The following VRK1 variants were observed in gnomAD, a reference collection of about 807,000 sequenced individuals.
VRK1 encodes serine/threonine-protein kinase VRK1.
VRK1 carries 33 observed loss-of-function variants against 57.1 expected under a neutral mutation model. That is an observed-to-expected ratio of 0.58 (90% CI 0.44 to 0.77). The LOEUF (loss-of-function observed/expected upper bound fraction) is 0.77, where lower values mean the gene tolerates loss of function less well. Among genes scored for constraint, VRK1 ranks in the 30% least tolerant of loss-of-function variants. The probability of loss-of-function intolerance (pLI) is 0.00; values close to 1 mark genes in which losing one functional copy is unlikely to be tolerated. For synonymous variants in VRK1, 137 were observed against 147.8 expected, an observed-to-expected ratio of 0.93 and a Z score of 0.53; for missense variants, 413 against 477.3, an observed-to-expected ratio of 0.87 and a Z score of 1.25.
At chr14:96,825,763 A>G (rs1033333223) in intron 1 of VRK1, among the ~76,000 whole-genome samples, 8 of 152,330 alleles carry the variant, frequency 5.3e-5, no homozygotes, top group African/African-American at 1.9e-4. Flanking sequence ...GGTGGAGTCC[A>G]GTTTGTCCAG....
chr14:96,806,547 G>A lies in VRK1; in HGVS notation c.-6+9100G>A, dbSNP rs955369287. Among the ~76,000 whole-genome samples, 3 of 152,290 alleles carry A rather than the reference G, an allele frequency of 2.0e-5. No individual in the cohort carries two copies. In the South Asian group the frequency reaches 6.2e-4, roughly 32 times the overall value. Reference sequence around the variant, plus strand: ...GTGACATATAAAATTGGGTCAGGTAGATCTAGTTCAAATATTGACTGCTGT... The same window carrying A: ...GTGACATATAAAATTGGGTCAGGTAAATCTAGTTCAAATATTGACTGCTGT... On this transcript the variant is annotated intron_variant, in intron 1 of 12. Coordinates refer to ENST00000216639, the MANE Select transcript of VRK1 (RefSeq NM_003384.3).
chr14:96,865,116 CT>C (rs1307911313), intron 11 of VRK1, among the ~76,000 whole-genome samples: 1 of 151,938 alleles, frequency 6.6e-6, no homozygotes, highest in Non-Finnish European at 1.5e-5. Flanking sequence ...ATGGTTAGTG[CT>C]TTTTATATTC....
At chr14:96,856,326 A>G in intron 9 of VRK1, 76 bp downstream of exon 9, 2 of 1,552,426 alleles carry the variant, frequency 1.3e-6, no homozygotes, top group Non-Finnish European at 1.8e-6. Flanking sequence ...CTTGATAGGA[A>G]CTATAGTTTC....
chr14:96,806,326 C>G (rs1354792997), intron 1 of VRK1, among the ~76,000 whole-genome samples: 1 of 152,222 alleles, frequency 6.6e-6, no homozygotes, highest in Non-Finnish European at 1.5e-5. Context: ...CAATTGGGGA[C>G]AATCAGGATA....
At chr14:96,799,206 A>G (rs1444860396) in intron 1 of VRK1, among the ~76,000 whole-genome samples, 1 of 152,222 alleles carries the variant, frequency 6.6e-6, no homozygotes, top group Non-Finnish European at 1.5e-5. Flanking sequence ...GGAAATGGTT[A>G]TATGGAAAGC....
chr14:96,875,449 C>T (rs1888988265), intron 11 of VRK1, among the ~76,000 whole-genome samples: 1 of 152,124 alleles, frequency 6.6e-6, no homozygotes, highest in African/African-American at 2.4e-5. Flanking sequence ...AGGTTTATGG[C>T]CCTCTTAAAC....
In VRK1 at chr14:96,856,198, C is replaced by T. The variant is rs1207723790; in HGVS notation, c.778C>T (p.Pro260Ser). The T allele has an allele frequency of 1.2e-6, 2 of 1,613,578 alleles. No individual in the cohort carries two copies. Among genetic ancestry groups the T allele is most frequent in the Non-Finnish European group, 8.5e-7 (1 of 1,179,782 alleles). The change falls in exon 9 of 13, where the codon CCT becomes TCT. Residue 260 changes from proline (P) to serine (S), a missense_variant. Physicochemically the swap from Pro to Ser is moderately conservative, Grantham distance 74. Coordinates refer to ENST00000216639, the MANE Select transcript of VRK1 (RefSeq NM_003384.3). ...CMIQWLTGHL[P>S]WEDNLKDPKY... ...GATCCAATGGCTTACTGGCCATCTT[C>T]CTTGGGAGGATAATTTGAAAGATCC...
intron 7 of VRK1, among the ~76,000 whole-genome samples, chr14:96,854,218 C>T (rs577906069): frequency 2.0e-5 from 3 of 152,224 alleles, no homozygotes; most frequent in East Asian, 1.9e-4. Context: ...ACAAAGAAAA[C>T]GCAGCTAACA....
chr14:96,849,331 A>AT (rs1393951577), intron 5 of VRK1, among the ~76,000 whole-genome samples: 1 of 152,214 alleles, frequency 6.6e-6, no homozygotes, highest in East Asian at 1.9e-4. Context: ...GGAACAGTAC[A>AT]TTATGAAAAC....
chr14:96,855,149 T>C, intron 7 of VRK1, 75 bp from the exon 8 acceptor site: 1 of 1,610,310 alleles, frequency 6.2e-7, no homozygotes, highest in Non-Finnish European at 8.5e-7. Context: ...TGCCAGTATT[T>C]TGTTTCTGTG....
At chr14:96,873,918 C>A (rs994248591) in intron 11 of VRK1, among the ~76,000 whole-genome samples, 4 of 152,160 alleles carry the variant, frequency 2.6e-5, no homozygotes, top group Non-Finnish European at 5.9e-5. Flanking sequence ...GAGTGCTTTA[C>A]GTAATGCATA....
intron 10 of VRK1, among the ~76,000 whole-genome samples, chr14:96,858,301 C>T (rs1487670374): frequency 1.3e-5 from 2 of 152,084 alleles, no homozygotes; most frequent in Non-Finnish European, 2.9e-5. Context: ...ACTATATTGC[C>T]CAGGCTAGTC....
At chr14:96,807,966 CCTCT>C (rs1159471159) in intron 1 of VRK1, among the ~76,000 whole-genome samples, 1 of 126,414 alleles carries the variant, frequency 7.9e-6, no homozygotes, top group Non-Finnish European at 1.6e-5. Flanking sequence ...TCTCTCCCTC[CCTCT>C]CTCTCTGTCT....
At position 96,853,063 on chromosome 14, in the gene VRK1, T is replaced by TA. The variant is rs1472559276; in HGVS notation, c.484-10dup. 1.2e-6 allele frequency: 2 copies of TA among 1,613,370 alleles called. No homozygotes were observed. The highest frequency in any genetic ancestry group is 1.7e-6 in the Non-Finnish European group (2 of 1,179,516). ...TACTGCATTAACTTATTCTGTATGA[T>TA]ACTTTCATAGCTGGATATTCTGGAA... On this transcript the variant is annotated splice_polypyrimidine_tract_variant and intron_variant, in intron 6 of 12. Coordinates refer to ENST00000216639, the MANE Select transcript of VRK1 (RefSeq NM_003384.3).
intron 1 of VRK1, among the ~76,000 whole-genome samples, chr14:96,815,964 C>T (rs546037883): frequency 6.6e-6 from 1 of 152,104 alleles, no homozygotes; most frequent in South Asian, 2.1e-4. Context: ...TTTTGGTCTC[C>T]GAGTACCACT....
chr14:96,809,066 G>T (rs1886047267), intron 1 of VRK1, among the ~76,000 whole-genome samples: 1 of 152,122 alleles, frequency 6.6e-6, no homozygotes, highest in African/African-American at 2.4e-5. Flanking sequence ...CAGCATGTTG[G>T]CTGAGTACCT....
intron 6 of VRK1, 33 bp downstream of exon 6, chr14:96,852,972 A>G: frequency 1.2e-6 from 2 of 1,611,194 alleles, no homozygotes; most frequent in Non-Finnish European, 1.7e-6. Context: ...GTTTTTAAAA[A>G]ATTGTTTTGA....
chr14:96,877,565 G>T (rs1437786823), intron 12 of VRK1: 24 of 1,289,558 alleles, frequency 1.9e-5, no homozygotes, highest in Non-Finnish European at 2.4e-5. Flanking sequence ...AGCAGCAGCA[G>T]CTATGACAGT....
chr14:96,826,773 A>G (rs1886813848), intron 1 of VRK1, among the ~76,000 whole-genome samples: 2 of 152,230 alleles, frequency 1.3e-5, no homozygotes, highest in African/African-American at 4.8e-5. Flanking sequence ...ACTGAAGCAA[A>G]TACTTGTGAT....
Sources: gnomAD v4.1 joint callset for allele counts (sites outside exome capture counted in the v4.1 genomes callset) on GRCh38, gnomAD v4.1.1 for gene constraint, MANE v1.5 for transcripts, NCBI Gene and HGNC (gene_info 2026-07-23, HGNC 2026-07-21) for gene names.